LRPAP1: variants seen among roughly 807,000 people sequenced by gnomAD.
LRPAP1 encodes the protein alpha-2-macroglobulin receptor-associated protein.
A neutral mutation model predicts 39.9 loss-of-function variants in LRPAP1; 41 were observed. The observed-to-expected ratio is 1.03, with a 90% confidence interval of 0.80 to 1.33. The LOEUF is 1.33. LRPAP1 is among the 40% of genes most tolerant of loss of function. The probability of loss-of-function intolerance (pLI) is 0.00; values close to 1 mark genes in which losing one functional copy is unlikely to be tolerated. For missense variants in LRPAP1, 565 were observed against 482.3 expected (o/e 1.17, Z -1.61); for synonymous variants, 263 against 212.7 (o/e 1.24, Z -2.06).
At chr4:3,521,962 C>G (rs569304043) in intron 2 of LRPAP1, among the ~76,000 whole-genome samples, 47 of 152,322 alleles carry the variant, frequency 3.1e-4, no homozygotes, top group Non-Finnish European at 2.9e-5. Flanking sequence ...AAAGTGAGAC[C>G]CCATCTTTTA....
chr4:3,521,501 TGGGGAGTGTCCCTGCTCGA>T (rs1402071615), intron 2 of LRPAP1, among the ~76,000 whole-genome samples: 1 of 152,134 alleles, frequency 6.6e-6, no homozygotes, highest in Non-Finnish European at 1.5e-5. Flanking sequence ...CTGCCAGCCC[TGGGGAGTGTCCCTGCTCGA>T]GGGACACCCT....
At chr4:3,532,067 G>T in intron 1 of LRPAP1, 142 bp downstream of exon 1, 1 of 902,136 alleles carries the variant, frequency 1.1e-6, no homozygotes, top group Non-Finnish European at 1.6e-6. Context: ...CTTGGGGGAG[G>T]CTGTGCCAAG....
At chr4:3,516,075 CCA>C in intron 6 of LRPAP1, 39 bp downstream of exon 6, 1 of 1,536,942 alleles carries the variant, frequency 6.5e-7, no homozygotes, top group Non-Finnish European at 8.8e-7. Context: ...AGAATCTTCA[CCA>C]CAGGAGAGAG....
In LRPAP1 at chr4:3,516,044, T is replaced by G. The variant is rs1729684509; in HGVS notation, c.834+72A>C. ...AGAGCTTGGAGGAGAGGGCTGCATT[T>G]CCTTACCCGGAAACTGCAAGAGAAT... On this transcript the variant is annotated intron_variant, in intron 6 of 7. Coordinates refer to ENST00000650182, the MANE Select transcript of LRPAP1 (RefSeq NM_002337.4). The G allele has an allele frequency of 6.9e-6, 10 of 1,439,444 alleles. No individual in the cohort carries two copies. The South Asian group carries it at 1.2e-4, about 18-fold the overall frequency. 89.2% of individuals were successfully genotyped at this position (1,439,444 alleles called of 1,614,324 possible). A position where few individuals can be genotyped will look rare whatever the true frequency, so the allele number is the denominator to read the frequency against.
chr4:3,531,128 G>C (rs145585950), intron 1 of LRPAP1, among the ~76,000 whole-genome samples: 2 of 152,116 alleles, frequency 1.3e-5, no homozygotes, highest in Non-Finnish European at 2.9e-5. Context: ...AGCCCAGAGC[G>C]TTCTCCCACC....
In LRPAP1 at chr4:3,520,052, T is replaced by C; in HGVS notation, c.471+20A>G. ...GTAACGGCACCAATTCTGCAAGGTA[T>C]GCAAACAATCGAAGAGTACCTTGTG... On this transcript the variant is annotated intron_variant, in intron 3 of 7. Coordinates refer to ENST00000650182, the MANE Select transcript of LRPAP1 (RefSeq NM_002337.4). 3 of 1,613,140 alleles carry C rather than the reference T, an allele frequency of 1.9e-6. No homozygotes were observed. The highest frequency in any genetic ancestry group is 4.5e-5 in the East Asian group (2 of 44,852).
At chr4:3,517,256 C>G (rs1729741896) in intron 5 of LRPAP1, among the ~76,000 whole-genome samples, 1 of 152,254 alleles carries the variant, frequency 6.6e-6, no homozygotes, top group Non-Finnish European at 1.5e-5. Context: ...CATTTGACTG[C>G]TGTGCTGGAG....
At chr4:3,523,820 A>G (rs896727999) in intron 2 of LRPAP1, among the ~76,000 whole-genome samples, 3 of 152,222 alleles carry the variant, frequency 2.0e-5, no homozygotes, top group African/African-American at 7.2e-5. Context: ...CACCCTCACG[A>G]CAGCAACAAG....
At position 3,513,010 on chromosome 4, in the gene LRPAP1, G is replaced by A. The variant is rs758357054; in HGVS notation, c.1038C>T (p.Ser346=). Residue 346 remains serine (S), a synonymous_variant, in exon 8 of 8, where the codon TCC becomes TCT. Transcript: ENST00000650182. ...YTVKKHLQDL[S]GRISRARHNE... is the part of the protein sequence containing the mutation. ...TGTGCCGAGCTCTGGAGATCCTGCC[G>A]GACAGGTCCTGCAGATGCTTCTTCA... 2.4e-5 allele frequency: 39 copies of A among 1,612,562 alleles called. No individual in the cohort carries two copies. The South Asian group carries it at 3.5e-4, about 15-fold the overall frequency.
In LRPAP1 at chr4:3,520,143, T is replaced by A. The variant is rs374080649; in HGVS notation, c.400A>T (p.Thr134Ser). The change falls in exon 3 of 8, where the codon ACC (threonine) becomes TCC (serine). Residue 134 changes from threonine to serine, a missense_variant. By Grantham distance (58) the Thr-to-Ser change is moderately conservative. Transcript: ENST00000650182. ...TGGGTGCCACTGAGGGAGTTGCTGG[T>A]CACCTGCCGAGCGTCCTTCTTTCCG... ...LDGKKDARQV[T>S]SNSLSGTQED... 1.2e-6 allele frequency: 2 copies of A among 1,614,084 alleles called. No individual in the cohort carries two copies. Among genetic ancestry groups the A allele is most frequent in the African/African-American group, 2.7e-5 (2 of 74,936 alleles).
intron 1 of LRPAP1, among the ~76,000 whole-genome samples, chr4:3,526,684 T>G (rs1414278925): frequency 6.6e-6 from 1 of 152,172 alleles, no homozygotes; most frequent in Non-Finnish European, 1.5e-5. Flanking sequence ...ATTCTGTGTG[T>G]TTGGCACACC....
At chr4:3,513,121 G>C (rs529701812) in intron 7 of LRPAP1, 85 bp from the exon 8 acceptor site, 303 of 1,030,348 alleles carry the variant, frequency 2.9e-4, no homozygotes, top group Non-Finnish European at 4.0e-4. Flanking sequence ...GGAGACGCGC[G>C]ATCCAAAAGG....
intron 2 of LRPAP1, among the ~76,000 whole-genome samples, chr4:3,522,928 A>C (rs1322692944): frequency 1.3e-5 from 2 of 152,126 alleles, no homozygotes; most frequent in African/African-American, 4.8e-5. Flanking sequence ...ATGGTATCAC[A>C]CTTGATAATG....
chr4:3,518,864 G>C lies in LRPAP1; in HGVS notation c.592+7C>G, dbSNP rs928236868. The stretch of plus-strand genomic sequence containing the variant: ...AGAGGGCAGGAGGGGGTGGGGGCGG[G>C]GGGCACCTTCGGTCCTGCTCAGGGT... On this transcript the variant is annotated splice_region_variant and intron_variant, in intron 4 of 7. Transcript: ENST00000650182. 1 of 1,564,558 alleles carries C rather than the reference G, an allele frequency of 6.4e-7. No homozygotes were observed. The highest frequency in any genetic ancestry group is 8.7e-7 in the Non-Finnish European group (1 of 1,154,556).
intron 3 of LRPAP1, among the ~76,000 whole-genome samples, chr4:3,519,746 T>G (rs2108691105): frequency 6.6e-6 from 1 of 152,238 alleles, no homozygotes; most frequent in Non-Finnish European, 1.5e-5. Flanking sequence ...CTCACTACAT[T>G]AAAAATCCGA....
chr4:3,512,936 C>G lies in LRPAP1; in HGVS notation c.*38G>C, dbSNP rs754694064. ...CGGCCAAGAGCCCAGGTCCTTCACG[C>G]TGGCCTCTTCCCTGCCGGGCTGGGC... is the stretch of plus-strand genomic sequence containing the variant. On this transcript the variant is annotated 3_prime_UTR_variant, in exon 8 of 8. Transcript: ENST00000650182. 1 of 1,586,052 alleles carries G rather than the reference C, an allele frequency of 6.3e-7. No homozygotes were observed. The highest frequency in any genetic ancestry group is 1.8e-5 in the Admixed American group (1 of 56,032).
intron 2 of LRPAP1, 80 bp downstream of exon 2, chr4:3,524,827 T>A: frequency 6.6e-7 from 1 of 1,516,176 alleles, no homozygotes; most frequent in Non-Finnish European, 9.1e-7. Flanking sequence ...AAAAACAAAA[T>A]CCGACATCCA....
At chr4:3,520,883 G>C (rs977599678) in intron 2 of LRPAP1, among the ~76,000 whole-genome samples, 3 of 152,230 alleles carry the variant, frequency 2.0e-5, no homozygotes, top group Non-Finnish European at 4.4e-5. Context: ...TCCCTAGGGG[G>C]GACTCGGCAT....
chr4:3,520,930 CATG>C (rs1050762259), intron 2 of LRPAP1, among the ~76,000 whole-genome samples: 9 of 152,242 alleles, frequency 5.9e-5, no homozygotes, highest in Non-Finnish European at 1.0e-4. Context: ...CTGCCACCAA[CATG>C]ATATGAAAGC....
Sources: allele counts gnomAD v4.1 joint callset (sites outside exome capture counted in the v4.1 genomes callset), GRCh38; gene constraint gnomAD v4.1.1; transcripts MANE v1.5; gene names NCBI Gene and HGNC (gene_info 2026-07-23, HGNC 2026-07-21).